Variants in CSMD1 observed in about 807,000 individuals in gnomAD.
CSMD1 encodes the protein CUB and sushi domain-containing protein 1.
Under a neutral mutation model 417.5 loss-of-function variants are expected in CSMD1, and 213 were observed. The ratio of observed to expected loss-of-function variants is 0.51; its 90% CI spans 0.46 to 0.57. CSMD1 has a LOEUF of 0.57. Among genes scored for constraint, CSMD1 ranks in the 20% least tolerant of loss-of-function variants. The probability of loss-of-function intolerance (pLI) is 0.00; values close to 1 mark genes in which losing one functional copy is unlikely to be tolerated. For missense variants in CSMD1, 6,923 were observed against 4,529.7 expected, an observed-to-expected ratio of 1.53 and a Z score of -15.17; for synonymous variants, 2,862 against 1,736.8, an observed-to-expected ratio of 1.65 and a Z score of -16.11.
At chr8:4,186,743 T>A (rs992283767) in intron 3 of CSMD1, among the ~76,000 whole-genome samples, 2 of 151,740 alleles carry the variant, frequency 1.3e-5, no homozygotes, top group South Asian at 2.1e-4. Flanking sequence ...TCCCAGCAAT[T>A]TGGGAAGCTG....
intron 1 of CSMD1, among the ~76,000 whole-genome samples, chr8:4,758,498 T>C (rs981778254): frequency 6.6e-6 from 1 of 152,152 alleles, no homozygotes. Flanking sequence ...CTTTGGACTG[T>C]GCTGGTCAGT....
intron 26 of CSMD1, among the ~76,000 whole-genome samples, chr8:3,277,423 G>A (rs534822139): frequency 4.6e-5 from 7 of 152,274 alleles, no homozygotes; most frequent in African/African-American, 7.2e-5. Flanking sequence ...GACCCCCAGC[G>A]GCGTAGACCA....
rs544526815 is a variant in CSMD1 at position 3,894,335 on chromosome 8, T to A, written c.818+103568A>T. ...TCACCACTGAAAGCTTTGCTCTGGA[T>A]TTTTTCTATCACGAGGATTAAATGG... On this transcript the variant is annotated intron_variant, in intron 5 of 69. Transcript: ENST00000635120. Among the ~76,000 whole-genome samples the A allele has an allele frequency of 2.7e-4, 41 of 152,258 alleles. No homozygotes were observed. The South Asian group carries it at 8.5e-3, about 32-fold the overall frequency.
At chr8:3,980,521 T>C (rs545891014) in intron 5 of CSMD1, among the ~76,000 whole-genome samples, 22 of 147,906 alleles carry the variant, frequency 1.5e-4, no homozygotes, top group African/African-American at 5.0e-4. Flanking sequence ...ATGTTGTTTA[T>C]GCCATTTAGA....
intron 3 of CSMD1, among the ~76,000 whole-genome samples, chr8:4,277,528 C>A (rs1273934075): frequency 6.6e-6 from 1 of 152,068 alleles, no homozygotes; most frequent in Non-Finnish European, 1.5e-5. Flanking sequence ...TCTTTTATAT[C>A]TAGAGAGTTT....
intron 10 of CSMD1, among the ~76,000 whole-genome samples, chr8:3,514,288 C>G (rs949479341): frequency 6.6e-6 from 1 of 152,120 alleles, no homozygotes; most frequent in Non-Finnish European, 1.5e-5. Context: ...AACATAGAGA[C>G]GTCCTCAGTG....
chr8:3,764,928 T>C (rs189983866), intron 5 of CSMD1, among the ~76,000 whole-genome samples: 1 of 151,960 alleles, frequency 6.6e-6, no homozygotes, highest in African/African-American at 2.4e-5. Flanking sequence ...GTATTTTTAG[T>C]AGAGACAGGG....
At position 3,647,334 on chromosome 8, in the gene CSMD1, T is replaced by C. The variant is rs77419369; in HGVS notation, c.1010-30537A>G. Among the ~76,000 whole-genome samples the C allele has an allele frequency of 1.6e-3, 237 of 151,836 alleles. 3 individuals are homozygous for C. In the East Asian group the frequency reaches 0.043, roughly 28 times the overall value. On this transcript the variant is annotated intron_variant, in intron 7 of 69. Coordinates refer to ENST00000635120, the MANE Select transcript of CSMD1 (RefSeq NM_033225.6). ...GTTGTATCCTTGGCCAGGAGAGAGG[T>C]AAATATGGCAGAGAGAGAAATATCA...
intron 26 of CSMD1, among the ~76,000 whole-genome samples, chr8:3,266,439 C>G (rs13269343): frequency 6.6e-5 from 10 of 151,474 alleles, no homozygotes; most frequent in Non-Finnish European, 1.5e-4. Context: ...AACCCCATTT[C>G]TATGAAAAAT....
rs139017536 is a variant in CSMD1 at position 4,934,093 on chromosome 8, C to T, written c.85+60239G>A. 1.8e-3 allele frequency among the ~76,000 whole-genome samples: 270 copies of T among 152,112 alleles called. 1 individual carries two copies. Among genetic ancestry groups the T allele is most frequent in the African/African-American group, 6.0e-3 (248 of 41,488 alleles). ...TCTCCATGAACTGAGAACTTTGAGG[C>T]GGCAGCCGTGAGCACCAGGGAGAGA... On this transcript the variant is annotated intron_variant, in intron 1 of 69. Transcript: ENST00000635120.
At chr8:4,208,360 G>A (rs535658130) in intron 3 of CSMD1, among the ~76,000 whole-genome samples, 1 of 152,124 alleles carries the variant, frequency 6.6e-6, no homozygotes, top group Non-Finnish European at 1.5e-5. Flanking sequence ...TGGAGTAAGA[G>A]GGAAGCATTT....
chr8:3,397,538 G>C (rs551583003), intron 16 of CSMD1, among the ~76,000 whole-genome samples: 2 of 152,308 alleles, frequency 1.3e-5, no homozygotes, highest in South Asian at 2.1e-4. Context: ...ATCTGGACCA[G>C]AATAAGGCCA....
chr8:2,966,521 G>T, intron 58 of CSMD1, 49 bp downstream of exon 58: 2 of 1,538,280 alleles, frequency 1.3e-6, no homozygotes, highest in Non-Finnish European at 1.8e-6. Flanking sequence ...TCCCAATGGA[G>T]TGAATTTCAT....
chr8:4,165,338 G>A (rs879272729), intron 3 of CSMD1, among the ~76,000 whole-genome samples: 3 of 152,192 alleles, frequency 2.0e-5, no homozygotes, highest in African/African-American at 4.8e-5. Context: ...GCAAACACGT[G>A]GTGTCCCACA....
chr8:3,244,082 C>T (rs771781421), intron 26 of CSMD1, among the ~76,000 whole-genome samples: 12 of 152,140 alleles, frequency 7.9e-5, no homozygotes, highest in African/African-American at 1.7e-4. Context: ...CAGAAGCAGT[C>T]GCATCTAGTA....
intron 12 of CSMD1, among the ~76,000 whole-genome samples, chr8:3,425,449 G>A (rs1017047537): frequency 7.9e-5 from 12 of 151,910 alleles, no homozygotes; most frequent in Admixed American, 4.6e-4. Context: ...TTAGCTGGGC[G>A]TGGTGGCACC....
At chr8:4,857,632 A>G (rs1563604586) in intron 1 of CSMD1, among the ~76,000 whole-genome samples, 1 of 152,174 alleles carries the variant, frequency 6.6e-6, no homozygotes, top group East Asian at 1.9e-4. Context: ...AATACTACAA[A>G]CACCTCTACG....
At chr8:4,759,953 G>A (rs1273201312) in intron 1 of CSMD1, among the ~76,000 whole-genome samples, 1 of 152,154 alleles carries the variant, frequency 6.6e-6, no homozygotes, top group Non-Finnish European at 1.5e-5. Flanking sequence ...AGGTCAAAGG[G>A]TATTTCTGGT....
chr8:3,734,974 G>A (rs1040273064), intron 6 of CSMD1, among the ~76,000 whole-genome samples: 1 of 152,182 alleles, frequency 6.6e-6, no homozygotes. Context: ...TGTTTTGAGA[G>A]CAATAGCTCC....
Sources: gnomAD v4.1 joint callset for allele counts (sites outside exome capture counted in the v4.1 genomes callset) on GRCh38, gnomAD v4.1.1 for gene constraint, MANE v1.5 for transcripts, NCBI Gene and HGNC (gene_info 2026-07-23, HGNC 2026-07-21) for gene names.